ARHGAP8: variants seen among roughly 807,000 people sequenced by gnomAD.
ARHGAP8 encodes rho GTPase-activating protein 8.
ARHGAP8 carries 62 observed loss-of-function variants against 46.1 expected under a neutral mutation model. The observed-to-expected ratio is 1.34, with a 90% CI of 1.10 to 1.66. The LOEUF (loss-of-function observed/expected upper bound fraction) is 1.66. ARHGAP8 is among the 40% of genes most tolerant of loss of function. The pLI, the probability that ARHGAP8 is intolerant of heterozygous loss-of-function variation, is 0.00. For synonymous variants in ARHGAP8, 375 were observed against 243.1 expected (o/e 1.54, Z -5.05); for missense variants, 923 against 568.4 (o/e 1.62, Z -6.34).
intron 11 of ARHGAP8, 70 bp downstream of exon 11, chr22:44,859,904 C>G (rs1258094784): frequency 2.0e-6 from 3 of 1,526,650 alleles, no homozygotes; most frequent in Admixed American, 1.8e-5. Context: ...CCCGCATGGA[C>G]CAGTCCCCTC....
intron 1 of ARHGAP8, among the ~76,000 whole-genome samples, chr22:44,753,136 C>T (rs1924380517): frequency 6.6e-6 from 1 of 151,786 alleles, no homozygotes; most frequent in African/African-American, 2.4e-5. Context: ...GAGGCCGGGG[C>T]AGGTGCTGCG....
At chr22:44,804,083 C>T (rs558951736) in intron 3 of ARHGAP8, among the ~76,000 whole-genome samples, 5 of 152,074 alleles carry the variant, frequency 3.3e-5, no homozygotes, top group Non-Finnish European at 5.9e-5. Flanking sequence ...GCTTCCTTCC[C>T]TCCCTCCATC....
At chr22:44,855,110 C>G (rs1191470267) in intron 10 of ARHGAP8, among the ~76,000 whole-genome samples, 3 of 152,172 alleles carry the variant, frequency 2.0e-5, no homozygotes, top group Non-Finnish European at 4.4e-5. Context: ...TTGAATAGAA[C>G]TCCTTTAAGG....
At chr22:44,826,204 C>T (rs1399467830) in intron 7 of ARHGAP8, among the ~76,000 whole-genome samples, 6 of 152,024 alleles carry the variant, frequency 3.9e-5, no homozygotes, top group Non-Finnish European at 5.9e-5. Flanking sequence ...AGAGACGGCA[C>T]GTGGTCACTC....
chr22:44,786,023 G>C (rs1046263077), intron 1 of ARHGAP8: 9 of 176,560 alleles, frequency 5.1e-5, no homozygotes, highest in Non-Finnish European at 7.2e-5. Context: ...TGTCAATGTG[G>C]ACAGTATCTG....
intron 6 of ARHGAP8, among the ~76,000 whole-genome samples, chr22:44,823,344 TA>T (rs1316641548): frequency 3.9e-5 from 6 of 152,130 alleles, no homozygotes; most frequent in Middle Eastern, 3.4e-3. Context: ...AGGTAGCTCT[TA>T]AAGTGAGTTT....
intron 1 of ARHGAP8, among the ~76,000 whole-genome samples, chr22:44,784,743 A>T (rs890500818): frequency 1.1e-4 from 16 of 152,206 alleles, no homozygotes; most frequent in African/African-American, 2.9e-4. Context: ...GGGTCCAGGG[A>T]GCGGGATGTG....
chr22:44,798,757 GC>G (rs1244394334), intron 2 of ARHGAP8, among the ~76,000 whole-genome samples: 5 of 152,018 alleles, frequency 3.3e-5, no homozygotes, highest in Admixed American at 6.5e-5. Flanking sequence ...TGTGGCGAGT[GC>G]CACTGAGGAG....
At chr22:44,819,550 G>A (rs5766056) in intron 5 of ARHGAP8, among the ~76,000 whole-genome samples, 16,032 of 152,100 alleles carry the variant, frequency 0.11, 1,294 homozygotes, top group East Asian at 0.3. Context: ...GCAGGCGCCT[G>A]TAATCCCAGC....
chr22:44,772,151 CTG>C (rs369945932), intron 1 of ARHGAP8, among the ~76,000 whole-genome samples: 19 of 139,816 alleles, frequency 1.4e-4, no homozygotes, highest in African/African-American at 4.2e-4. Flanking sequence ...TTTTCTGTAT[CTG>C]TTTTTTTCCT....
chr22:44,783,636 A>G (rs771440235), intron 1 of ARHGAP8, among the ~76,000 whole-genome samples: 2 of 152,194 alleles, frequency 1.3e-5, no homozygotes, highest in Non-Finnish European at 2.9e-5. Context: ...CCCTGAGGCC[A>G]GAGCTGTGCA....
At chr22:44,848,427 C>T (rs556057471) in intron 9 of ARHGAP8, among the ~76,000 whole-genome samples, 25 of 152,356 alleles carry the variant, frequency 1.6e-4, no homozygotes, top group African/African-American at 5.3e-4. Flanking sequence ...ATGTGTAACC[C>T]GCAGGCAGGG....
intron 2 of ARHGAP8, among the ~76,000 whole-genome samples, chr22:44,789,079 T>C (rs754217926): frequency 7.2e-5 from 11 of 152,222 alleles, no homozygotes; most frequent in Non-Finnish European, 1.6e-4. Flanking sequence ...AATTGGACTT[T>C]GTAAATTTCT....
In ARHGAP8 at chr22:44,773,717, G is replaced by A. The variant is rs1282806509; in HGVS notation, c.-71-12740G>A. On this transcript the variant is annotated intron_variant, in intron 1 of 11. Transcript: ENST00000356099. ...CCTGCCTCAATCTCCCGAGTAGCTAGGACTAAAGGTGTACACCACCACATG... is the reference window on the plus strand; with the variant it reads ...CCTGCCTCAATCTCCCGAGTAGCTAAGACTAAAGGTGTACACCACCACATG... Among the ~76,000 whole-genome samples the A allele has an allele frequency of 3.9e-5, 6 of 152,110 alleles. No individual in the cohort carries two copies. In the East Asian group the frequency reaches 1.2e-3, roughly 29 times the overall value.
intron 10 of ARHGAP8, among the ~76,000 whole-genome samples, chr22:44,856,158 A>C (rs966300373): frequency 1.3e-5 from 2 of 151,028 alleles, no homozygotes; most frequent in East Asian, 1.9e-4. Flanking sequence ...CCCACCTCCC[A>C]CATTGGGGAT....
At chr22:44,818,979 G>A (rs1341389479) in intron 5 of ARHGAP8, among the ~76,000 whole-genome samples, 1 of 152,058 alleles carries the variant, frequency 6.6e-6, no homozygotes, top group African/African-American at 2.4e-5. Context: ...GATTATAGGA[G>A]CGCACCATGT....
intron 7 of ARHGAP8, among the ~76,000 whole-genome samples, chr22:44,826,511 G>A (rs934776496): frequency 2.6e-5 from 4 of 152,092 alleles, no homozygotes; most frequent in Non-Finnish European, 4.4e-5. Context: ...TGCAACCTCC[G>A]CCTCCTGGGT....
At chr22:44,861,413 G>A (rs2070476558) in intron 11 of ARHGAP8, among the ~76,000 whole-genome samples, 1 of 152,212 alleles carries the variant, frequency 6.6e-6, no homozygotes, top group Non-Finnish European at 1.5e-5. Flanking sequence ...GAGGAGGGGT[G>A]GCCTGCAGTG....
Position 44,855,993 on chromosome 22 carries a change from G to A in ARHGAP8, c.878-3738G>A, listed in dbSNP as rs185214446. Among the ~76,000 whole-genome samples the A allele has an allele frequency of 3.9e-5, 6 of 152,200 alleles. No homozygotes were observed. The East Asian group carries it at 9.7e-4, about 25-fold the overall frequency. Reference sequence around the variant, plus strand: ...GGCAAAGGAGGAGCAGGTGTCTCACGCAGTGCGAGTGGGAGCAAGATGGGG... The same window carrying A: ...GGCAAAGGAGGAGCAGGTGTCTCACACAGTGCGAGTGGGAGCAAGATGGGG... On this transcript the variant is annotated intron_variant, in intron 10 of 11. Transcript: ENST00000356099.
Sources: gnomAD v4.1 joint callset for allele counts (sites outside exome capture counted in the v4.1 genomes callset) on GRCh38, gnomAD v4.1.1 for gene constraint, MANE v1.5 for transcripts, NCBI Gene and HGNC (gene_info 2026-07-23, HGNC 2026-07-21) for gene names.